The following NDUFAF6 variants were observed in gnomAD, a reference collection of about 807,000 sequenced individuals.
NDUFAF6 encodes NADH:ubiquinone oxidoreductase complex assembly factor 6, also known as NADH dehydrogenase (ubiquinone) complex I, assembly factor 6.
In NDUFAF6, 45 loss-of-function variants were observed where a neutral mutation model predicts 40.8. The observed-to-expected ratio is 1.10, with a 90% CI of 0.87 to 1.42. The LOEUF (loss-of-function observed/expected upper bound fraction) is 1.42. NDUFAF6 is among the 40% of genes most tolerant of loss of function. The probability of loss-of-function intolerance (pLI) is 0.00; values close to 1 mark genes in which losing one functional copy is unlikely to be tolerated. For synonymous variants in NDUFAF6, 185 were observed against 155.9 expected, an observed-to-expected ratio of 1.19 and a Z score of -1.39; for missense variants, 435 against 418.5, an observed-to-expected ratio of 1.04 and a Z score of -0.34.
chr8:94,911,758 ATT>A (rs898016167), intron 1 of NDUFAF6, among the ~76,000 whole-genome samples: 16 of 152,340 alleles, frequency 1.1e-4, no homozygotes, highest in African/African-American at 3.8e-4. Flanking sequence ...CACCTGGATC[ATT>A]TATTCTTAAT....
chr8:95,007,073 T>C lies in NDUFAF6; in HGVS notation c.-83-24922T>C, dbSNP rs139915646. On this transcript the variant is annotated intron_variant, in intron 2 of 9. Transcript: ENST00000396111. The stretch of plus-strand genomic sequence containing the variant: ...TAACTATCATTTCCTTATTTCCAGG[T>C]TTCTTATACTATAGTTCCTTTGGCT... Among the ~76,000 whole-genome samples, 249 of 152,034 alleles carry C rather than the reference T, an allele frequency of 1.6e-3. 1 individual carries two copies. Among genetic ancestry groups the C allele is most frequent in the African/African-American group, 5.7e-3 (237 of 41,450 alleles).
chr8:95,111,881 G>A (rs1220517661), intron 4 of NDUFAF6, among the ~76,000 whole-genome samples: 8 of 152,086 alleles, frequency 5.3e-5, no homozygotes, highest in Non-Finnish European at 8.8e-5. Context: ...ACTGTTTAGC[G>A]GGCTCCTATG....
At chr8:94,901,601 A>T (rs1455673022) in intron 1 of NDUFAF6, among the ~76,000 whole-genome samples, 3 of 152,080 alleles carry the variant, frequency 2.0e-5, no homozygotes, top group Non-Finnish European at 2.9e-5. Flanking sequence ...TATTATTTTG[A>T]GACAGAATTT....
chr8:94,908,203 A>T (rs930554031), intron 1 of NDUFAF6, among the ~76,000 whole-genome samples: 1 of 152,200 alleles, frequency 6.6e-6, no homozygotes, highest in Non-Finnish European at 1.5e-5. Flanking sequence ...CCAGTGTTGG[A>T]CAGTAAATAA....
At chr8:94,936,923 G>T (rs966065213) in intron 1 of NDUFAF6, among the ~76,000 whole-genome samples, 18 of 152,226 alleles carry the variant, frequency 1.2e-4, no homozygotes, top group Non-Finnish European at 4.4e-5. Flanking sequence ...GCCAGCAAAA[G>T]AGACAGACTA....
intron 1 of NDUFAF6, among the ~76,000 whole-genome samples, chr8:94,914,248 A>G (rs939298159): frequency 6.6e-6 from 1 of 151,398 alleles, no homozygotes; most frequent in Non-Finnish European, 1.5e-5. Flanking sequence ...TCTTCTTATT[A>G]GTGAAATAAA....
chr8:94,951,826 A>G (rs1031895176), intron 2 of NDUFAF6, among the ~76,000 whole-genome samples: 38 of 152,236 alleles, frequency 2.5e-4, no homozygotes, highest in African/African-American at 8.9e-4. Flanking sequence ...CCACTGGTTT[A>G]CATAAATGCA....
intron 2 of NDUFAF6, among the ~76,000 whole-genome samples, chr8:95,005,056 T>C (rs1826900851): frequency 6.6e-6 from 1 of 152,140 alleles, no homozygotes; most frequent in African/African-American, 2.4e-5. Context: ...AATAGCAGGA[T>C]TTTTAGGGTC....
intron 4 of NDUFAF6, among the ~76,000 whole-genome samples, chr8:95,109,434 T>C (rs936687815): frequency 1.3e-4 from 20 of 152,358 alleles, no homozygotes; most frequent in Non-Finnish European, 2.6e-4. Context: ...TTCATCTAAC[T>C]TCTTCCCATG....
At chr8:94,905,532 G>T (rs2131193786) in intron 1 of NDUFAF6, among the ~76,000 whole-genome samples, 1 of 152,206 alleles carries the variant, frequency 6.6e-6, no homozygotes, top group African/African-American at 2.4e-5. Context: ...CCTCACTTGG[G>T]TGGGTTTCAA....
In NDUFAF6 at chr8:94,985,551, T is replaced by C. The variant is rs1367310801; in HGVS notation, c.-84+4578T>C. Among the ~76,000 whole-genome samples the C allele has an allele frequency of 8.9e-3, 852 of 95,422 alleles. 15 individuals carry two copies. The highest frequency in any genetic ancestry group is 0.034 in the African/African-American group (809 of 23,988). 62.6% of individuals were successfully genotyped at this position (95,422 alleles called of 152,430 possible). ...TTTTTTTTTTTTTTTTTTTTTTTTTTCTGAGACAGAATCTCACTCTGTCGC... is the reference window on the plus strand; with the variant it reads ...TTTTTTTTTTTTTTTTTTTTTTTTTCCTGAGACAGAATCTCACTCTGTCGC... On this transcript the variant is annotated intron_variant, in intron 2 of 9. Coordinates refer to the NDUFAF6 transcript ENST00000396111.
At chr8:94,933,838 G>GT (rs111482172) in intron 1 of NDUFAF6, among the ~76,000 whole-genome samples, 1 of 148,592 alleles carries the variant, frequency 6.7e-6, no homozygotes, top group East Asian at 2.0e-4. Context: ...ACTTTGTGGG[G>GT]GGGGGGGGAG....
chr8:95,013,689 C>T (rs186726175), intron 2 of NDUFAF6, among the ~76,000 whole-genome samples: 2 of 152,148 alleles, frequency 1.3e-5, no homozygotes, highest in Admixed American at 6.5e-5. Flanking sequence ...GGGAGAGTGA[C>T]ATTAAGCCAG....
upstream of NDUFAF6, among the ~76,000 whole-genome samples, chr8:95,020,247 A>T (rs1284379728): frequency 6.6e-6 from 1 of 152,202 alleles, no homozygotes; most frequent in African/African-American, 2.4e-5. Context: ...AAAAAGCATG[A>T]TGCATTCAAG....
intron 9 of NDUFAF6, chr8:95,072,750 A>G (rs1305432215): frequency 6.5e-6 from 1 of 153,324 alleles, no homozygotes; most frequent in Non-Finnish European, 1.5e-5. Context: ...GGTGCAAGCC[A>G]CTGCTTTTTC....
intron 1 of NDUFAF6, among the ~76,000 whole-genome samples, chr8:94,936,688 G>A (rs752937695): frequency 1.5e-4 from 23 of 152,096 alleles, no homozygotes; most frequent in East Asian, 1.9e-4. Flanking sequence ...ACAACCCTAC[G>A]GAAATTTGAG....
chr8:94,962,602 G>A (rs1298755955), intron 1 of NDUFAF6, among the ~76,000 whole-genome samples: 9 of 137,652 alleles, frequency 6.5e-5, no homozygotes, highest in Non-Finnish European at 1.1e-4. Flanking sequence ...CCAGACTTCT[G>A]TTTTTTGTTT....
rs938534085 is a variant in NDUFAF6, at chr8:94,980,446, T to G, written c.-198-413T>G. Among the ~76,000 whole-genome samples the G allele has an allele frequency of 1.4e-4, 20 of 142,766 alleles. 1 individual carries two copies. Among genetic ancestry groups the G allele is most frequent in the Non-Finnish European group, 3.0e-5 (2 of 65,600 alleles). 93.7% of individuals were successfully genotyped at this position (142,766 alleles called of 152,430 possible). Reference sequence around the variant, plus strand: ...ACTGTCAACTGTGGTTTTTTTGTTTTTTTTTTTTTTTTTTTTGAGACAGAG... The same window carrying G: ...ACTGTCAACTGTGGTTTTTTTGTTTGTTTTTTTTTTTTTTTTGAGACAGAG... On this transcript the variant is annotated intron_variant, in intron 1 of 9. Coordinates refer to the NDUFAF6 transcript ENST00000396111.
At chr8:95,003,700 T>G (rs890545423) in intron 2 of NDUFAF6, among the ~76,000 whole-genome samples, 1 of 152,306 alleles carries the variant, frequency 6.6e-6, no homozygotes. Context: ...TTATCTCCTT[T>G]CTCCTTCTGC....
Sources: allele counts gnomAD v4.1 joint callset (sites outside exome capture counted in the v4.1 genomes callset), GRCh38; gene constraint gnomAD v4.1.1; transcripts MANE v1.5; gene names NCBI Gene and HGNC (gene_info 2026-07-23, HGNC 2026-07-21).